Variants in RPS6KA2 observed in about 807,000 individuals in gnomAD.
RPS6KA2 encodes the protein ribosomal protein S6 kinase alpha-2.
In RPS6KA2, 42 loss-of-function variants were observed where a neutral mutation model predicts 91.8. The ratio of observed to expected loss-of-function variants is 0.46; its 90% confidence interval spans 0.36 to 0.59. The LOEUF (loss-of-function observed/expected upper bound fraction) is 0.59, where lower values mean the gene tolerates loss of function less well. Ranked by LOEUF, RPS6KA2 falls within the 20% of genes least tolerant of loss-of-function variation. RPS6KA2 has a pLI of 0.00. For synonymous variants in RPS6KA2, 414 were observed against 393.6 expected (o/e 1.05, Z -0.61); for missense variants, 798 against 978.5 (o/e 0.82, Z 2.46).
intron 2 of RPS6KA2, among the ~76,000 whole-genome samples, chr6:166,842,539 C>A (rs1372772371): frequency 6.6e-6 from 1 of 152,186 alleles, no homozygotes; most frequent in African/African-American, 2.4e-5. Context: ...GAGTGAATTT[C>A]TGCTATTTAA....
rs1361799206 is a variant in RPS6KA2, at chr6:166,434,953, G to C, written c.1333-2463C>G. Among the ~76,000 whole-genome samples the C allele has an allele frequency of 6.6e-6, 1 of 152,188 alleles. No individual in the cohort carries two copies. Among genetic ancestry groups the C allele is most frequent in the Non-Finnish European group, 1.5e-5 (1 of 68,040 alleles). Reference sequence around the variant, plus strand: ...AAACATTTAATTGCCTTGCCTTCCTGTGAGGAGGGGAACAGGGTGCCTGGG... The same window carrying C: ...AAACATTTAATTGCCTTGCCTTCCTCTGAGGAGGGGAACAGGGTGCCTGGG... On this transcript the variant is annotated intron_variant, in intron 14 of 20. Transcript: ENST00000265678. The surrounding 1 kb of genome is among the most constrained non-coding windows in gnomAD (Gnocchi z 4.4).
At position 166,419,711 on chromosome 6, in the gene RPS6KA2, G is replaced by A. The variant is rs1002928581; in HGVS notation, c.1820+171C>T. Among the ~76,000 whole-genome samples the A allele has an allele frequency of 6.6e-6, 1 of 152,212 alleles. No individual in the cohort carries two copies. The highest frequency in any genetic ancestry group is 2.4e-5 in the African/African-American group (1 of 41,454). ...TCCTTGTTGTTCAGTTGTCCTGAGG[G>A]GCTAAGAAAGTCTGCGAGTGTTCAC... is the stretch of plus-strand genomic sequence containing the variant. On this transcript the variant is annotated intron_variant, in intron 18 of 20. Transcript: ENST00000265678. The surrounding 1 kb of genome is among the most constrained non-coding windows in gnomAD (Gnocchi z 5.6).
chr6:166,745,895 T>A (rs1790992872), intron 2 of RPS6KA2, among the ~76,000 whole-genome samples: 1 of 152,170 alleles, frequency 6.6e-6, no homozygotes, highest in Non-Finnish European at 1.5e-5. Context: ...TAGAGACTAA[T>A]TTGGAAAAGA....
intron 1 of RPS6KA2, among the ~76,000 whole-genome samples, chr6:166,604,851 C>T (rs561729049): frequency 1.3e-5 from 2 of 152,300 alleles, no homozygotes; most frequent in African/African-American, 2.4e-5. Flanking sequence ...TGGGTGGTCA[C>T]GTAGCCTAAA....
chr6:166,703,568 A>G (rs994084810), intron 2 of RPS6KA2, among the ~76,000 whole-genome samples: 1 of 152,266 alleles, frequency 6.6e-6, no homozygotes, highest in Admixed American at 6.5e-5. Flanking sequence ...AGAGGCTGAC[A>G]TACAGGAGAG....
At chr6:166,552,685 C>T (rs952743400) in intron 1 of RPS6KA2, among the ~76,000 whole-genome samples, 4 of 152,150 alleles carry the variant, frequency 2.6e-5, no homozygotes, top group African/African-American at 9.7e-5. Context: ...TTCTGAAGCT[C>T]TCACAGTCAC....
chr6:166,475,541 G>T (rs1226587481), intron 10 of RPS6KA2, among the ~76,000 whole-genome samples: 3 of 152,102 alleles, frequency 2.0e-5, no homozygotes, highest in African/African-American at 7.2e-5. Context: ...ACCCAACCCA[G>T]GCGTCCTCAC....
chr6:166,694,640 T>C (rs746324041), intron 2 of RPS6KA2, among the ~76,000 whole-genome samples: 1 of 152,230 alleles, frequency 6.6e-6, no homozygotes, highest in Non-Finnish European at 1.5e-5. Flanking sequence ...AACCTCTCCC[T>C]ACATGGTGAG....
chr6:166,588,233 G>A (rs1377726903), intron 1 of RPS6KA2, among the ~76,000 whole-genome samples: 1 of 147,724 alleles, frequency 6.8e-6, no homozygotes, highest in Non-Finnish European at 1.5e-5. Flanking sequence ...CCTCCACAAA[G>A]TCAGCTTCAC....
At position 166,452,558 on chromosome 6, in the gene RPS6KA2, C is replaced by T. The variant is rs373143851; in HGVS notation, c.1076-1325G>A. 3.9e-5 allele frequency among the ~76,000 whole-genome samples: 6 copies of T among 152,280 alleles called. No individual in the cohort carries two copies. In the East Asian group the frequency reaches 9.6e-4, roughly 24 times the overall value. ...AACAAAGCTAGAACTAGAAGCATCA[C>T]ATTACCTGACTTCAATTATATCACA... On this transcript the variant is annotated intron_variant, in intron 12 of 20. Coordinates refer to ENST00000265678, the MANE Select transcript of RPS6KA2 (RefSeq NM_021135.6).
rs55714481 is a variant in RPS6KA2, at chr6:166,737,294, T to A, written c.123+120906A>T. Among the ~76,000 whole-genome samples the A allele has an allele frequency of 0.034, 5,132 of 152,288 alleles. 95 individuals carry two copies. The highest frequency in any genetic ancestry group is 0.061 in the Middle Eastern group (18 of 294). ...CAAGGCTATTGGCGTCTCTCCCTAATAAATCGTGTGGCTGCCATGACCCTT... is the reference window on the plus strand; with the variant it reads ...CAAGGCTATTGGCGTCTCTCCCTAAAAAATCGTGTGGCTGCCATGACCCTT... On this transcript the variant is annotated intron_variant, in intron 2 of 21. Transcript: ENST00000503859. The surrounding 1 kb of genome is among the most constrained non-coding windows in gnomAD (Gnocchi z 4.3).
At position 166,445,561 on chromosome 6, in the gene RPS6KA2, G is replaced by C. The variant is rs1213674259; in HGVS notation, c.1332+3163C>G. Among the ~76,000 whole-genome samples the C allele has an allele frequency of 6.6e-6, 1 of 152,208 alleles. No individual in the cohort carries two copies. Among genetic ancestry groups the C allele is most frequent in the Non-Finnish European group, 1.5e-5 (1 of 68,032 alleles). Reference sequence around the variant, plus strand: ...ACCAGAAAGTCTCCAGACATTGCCAGTGTCCCCTGGGGGCCACAGTTACCC... The same window carrying C: ...ACCAGAAAGTCTCCAGACATTGCCACTGTCCCCTGGGGGCCACAGTTACCC... On this transcript the variant is annotated intron_variant, in intron 14 of 20. Coordinates refer to ENST00000265678, the MANE Select transcript of RPS6KA2 (RefSeq NM_021135.6). The surrounding 1 kb of genome is among the most constrained non-coding windows in gnomAD (Gnocchi z 4.5).
intron 2 of RPS6KA2, among the ~76,000 whole-genome samples, chr6:166,798,238 T>C (rs1297810288): frequency 6.6e-6 from 1 of 152,238 alleles, no homozygotes; most frequent in African/African-American, 2.4e-5. Flanking sequence ...GGGTGGCCCC[T>C]GCAAGTCCTT....
chr6:166,646,467 G>A (rs570960479), intron 2 of RPS6KA2, among the ~76,000 whole-genome samples: 67 of 152,364 alleles, frequency 4.4e-4, no homozygotes, highest in African/African-American at 1.2e-3. Context: ...CCTAGGCCAC[G>A]GAGGAGCCAG....
intron 1 of RPS6KA2, among the ~76,000 whole-genome samples, chr6:166,594,581 G>T (rs931332686): frequency 9.9e-5 from 15 of 152,118 alleles, no homozygotes. Context: ...TCCTGCCTCA[G>T]CCTCCCCAGT....
rs552535521 is a variant in RPS6KA2 at position 166,558,095 on chromosome 6, T to C, written c.100-19311A>G. Reference sequence around the variant, plus strand: ...GTATATATATAGGGGTGTGTACATATATATGTATGTATATATAAAGATGTG... The same window carrying C: ...GTATATATATAGGGGTGTGTACATACATATGTATGTATATATAAAGATGTG... On this transcript the variant is annotated intron_variant, in intron 1 of 20. Coordinates refer to ENST00000265678, the MANE Select transcript of RPS6KA2 (RefSeq NM_021135.6). 3.3e-5 allele frequency among the ~76,000 whole-genome samples: 5 copies of C among 152,210 alleles called. No individual in the cohort carries two copies. The South Asian group carries it at 8.3e-4, about 25-fold the overall frequency.
intron 2 of RPS6KA2, among the ~76,000 whole-genome samples, chr6:166,781,556 G>A (rs545174268): frequency 4.6e-5 from 7 of 152,216 alleles, no homozygotes; most frequent in African/African-American, 1.4e-4. Context: ...ACCCAGGACT[G>A]CATGCATGCA....
In RPS6KA2 at chr6:166,423,400, C is replaced by T. The variant is rs554499104; in HGVS notation, c.1599G>A (p.Leu533=). Residue 533 remains leucine, a synonymous_variant, in exon 17 of 21, where the codon CTG becomes CTA. Coordinates refer to ENST00000265678, the MANE Select transcript of RPS6KA2 (RefSeq NM_021135.6). The surrounding 1 kb of genome is among the most constrained non-coding windows in gnomAD (Gnocchi z 4.8). ...CCCTGTACAGGATGTTACTCGGCTT[C>T]AGGTCTCGATGAACAACCTGCAAGA... ...LHSQGVVHRD[L]KPSNILYRDE... is the part of the protein sequence containing the mutation. 5.0e-6 allele frequency: 8 copies of T among 1,610,540 alleles called. No homozygotes were observed. In the African/African-American group the frequency reaches 1.1e-4, roughly 21 times the overall value.
chr6:166,747,311 G>A (rs1403459673), intron 2 of RPS6KA2, among the ~76,000 whole-genome samples: 1 of 152,118 alleles, frequency 6.6e-6, no homozygotes, highest in East Asian at 1.9e-4. Flanking sequence ...GATTCCAAGG[G>A]GTTCAGGAAA....
Sources: allele counts gnomAD v4.1 joint callset (sites outside exome capture counted in the v4.1 genomes callset), GRCh38; gene constraint gnomAD v4.1.1; non-coding constraint Gnocchi (gnomAD v3.1); transcripts MANE v1.5; gene names NCBI Gene and HGNC (gene_info 2026-07-23, HGNC 2026-07-21).